SH3YL1: variants seen among roughly 807,000 people sequenced by gnomAD.
SH3YL1 encodes the protein SH3 domain-containing YSC84-like protein 1.
In SH3YL1, 41 loss-of-function variants were observed where a neutral mutation model predicts 45.8. The observed-to-expected ratio is 0.89, with a 90% CI of 0.70 to 1.16. The LOEUF (loss-of-function observed/expected upper bound fraction) is 1.16. SH3YL1 is among the 50% of genes most tolerant of loss of function. SH3YL1 has a pLI of 0.00. For synonymous variants in SH3YL1, 152 were observed against 151.4 expected, an observed-to-expected ratio of 1.00 and a Z score of -0.03; for missense variants, 389 against 409.6, an observed-to-expected ratio of 0.95 and a Z score of 0.43.
upstream of SH3YL1, chr2:264,802 A>G (rs1029234934): frequency 1.3e-5 from 10 of 748,842 alleles, no homozygotes; most frequent in African/African-American, 1.9e-4. Flanking sequence ...CCGCCTCCGC[A>G]GGCGCACTGG....
intron 2 of SH3YL1, among the ~76,000 whole-genome samples, chr2:250,935 G>T (rs1171999296): frequency 6.6e-6 from 1 of 152,168 alleles, no homozygotes; most frequent in Non-Finnish European, 1.5e-5. Flanking sequence ...TAATTATATT[G>T]TAACAAGATT....
At chr2:262,498 C>A in intron 1 of SH3YL1, 2 of 927,702 alleles carry the variant, frequency 2.2e-6, no homozygotes, top group Non-Finnish European at 3.0e-6. Context: ...TGGTACAGAG[C>A]AGTTCCACAC....
rs754153934 is a variant in SH3YL1, at chr2:234,157, C to T, written c.404+3G>A. The T allele has an allele frequency of 4.4e-6, 7 of 1,606,004 alleles. No individual in the cohort carries two copies. In the East Asian group the frequency reaches 6.7e-5, roughly 15 times the overall value. ...CTGTCTAACATCTATTTAAAGAACTCACCTTCCCAAGGGCCCAACCGCCAC... is the reference window on the plus strand; with the variant it reads ...CTGTCTAACATCTATTTAAAGAACTTACCTTCCCAAGGGCCCAACCGCCAC... On this transcript the variant is annotated splice_donor_region_variant and intron_variant, in intron 5 of 9. Coordinates refer to ENST00000356150, the MANE Select transcript of SH3YL1 (RefSeq NM_015677.4).
chr2:239,564 A>G (rs1668455406), intron 4 of SH3YL1: 1 of 152,230 alleles, frequency 6.6e-6, no homozygotes, highest in Non-Finnish European at 1.5e-5. Flanking sequence ...CATTTTATTC[A>G]ACTTAAAAAT....
chr2:242,804 A>C (rs1274328860), intron 4 of SH3YL1: 2 of 1,536,332 alleles, frequency 1.3e-6, no homozygotes, highest in Admixed American at 4.1e-5. Flanking sequence ...TTACCATTAG[A>C]TTGACAGTAA....
At chr2:242,997 C>A in intron 4 of SH3YL1, 1 of 581,124 alleles carries the variant, frequency 1.7e-6, no homozygotes, top group Non-Finnish European at 2.6e-6. Flanking sequence ...TTTATACAAG[C>A]ACATAATATC....
chr2:234,262 A>T lies in SH3YL1; in HGVS notation c.302T>A (p.Leu101Ter). The T allele has an allele frequency of 6.2e-7, 1 of 1,611,644 alleles. No homozygotes were observed. Among genetic ancestry groups the T allele is most frequent in the South Asian group, 1.1e-5 (1 of 90,546 alleles). Reference protein sequence around the residue: ...GFEIGIEVSDLVIILNYDRAV... With the variant: ...GFEIGIEVSD ...ACGGTCATAATTCAGAATTATCACC[A>T]AGTCTGATACCTAAAGTGTAGAAAC... Residue 101 changes from leucine (L) to a stop codon, truncating the protein, a stop_gained, in exon 5 of 10, where the codon TTG becomes TAG. Transcript: ENST00000356150. LOFTEE classifies it high-confidence loss of function.
chr2:238,259 TTGTGTGTGTGTGTGTGTGTGTGTG>T (rs3842546), intron 4 of SH3YL1, among the ~76,000 whole-genome samples: 1 of 141,860 alleles, frequency 7.0e-6, no homozygotes, highest in Non-Finnish European at 1.5e-5. Context: ...TCCTCCCTCC[TTGTGTGTGTGTGTGTGTGTGTGTG>T]TGTGTGTGTG....
At chr2:230,409 C>T (rs1358477616) in intron 7 of SH3YL1, 2 of 178,890 alleles carry the variant, frequency 1.1e-5, no homozygotes, top group Non-Finnish European at 2.4e-5. Flanking sequence ...ATGAAACAGG[C>T]ATCATACCAA....
At chr2:239,629 T>C (rs752588312) in intron 4 of SH3YL1, 1 of 152,166 alleles carries the variant, frequency 6.6e-6, no homozygotes, top group Non-Finnish European at 1.5e-5. Flanking sequence ...CACTGTTCTA[T>C]AACTAACAAA....
intron 4 of SH3YL1, among the ~76,000 whole-genome samples, chr2:234,687 C>T (rs569572923): frequency 6.6e-6 from 1 of 152,008 alleles, no homozygotes; most frequent in Non-Finnish European, 1.5e-5. Context: ...AAAGCCAAGC[C>T]CGAAGAGCAC....
At chr2:243,463 A>G (rs530485944) in intron 4 of SH3YL1, 1 of 1,484,222 alleles carries the variant, frequency 6.7e-7, no homozygotes, top group African/African-American at 1.4e-5. Context: ...GAGAAATTAG[A>G]TAATATTTTG....
intron 1 of SH3YL1, among the ~76,000 whole-genome samples, chr2:261,660 G>T (rs1369516292): frequency 1.3e-5 from 2 of 152,150 alleles, no homozygotes; most frequent in East Asian, 3.9e-4. Flanking sequence ...AGTCACTGGG[G>T]ACAAACAGGG....
At chr2:260,117 C>G (rs1456702619) in intron 1 of SH3YL1, 1 of 152,154 alleles carries the variant, frequency 6.6e-6, no homozygotes, top group East Asian at 1.9e-4. Flanking sequence ...ATGTATGCTT[C>G]AATTGATTCC....
chr2:221,642 C>T (rs1439505284), intron 9 of SH3YL1, among the ~76,000 whole-genome samples: 1 of 152,156 alleles, frequency 6.6e-6, no homozygotes, highest in African/African-American at 2.4e-5. Flanking sequence ...CGGGATCTCA[C>T]ATTTCTCCTT....
intron 4 of SH3YL1, among the ~76,000 whole-genome samples, chr2:234,982 A>G (rs1467845042): frequency 6.6e-6 from 1 of 152,070 alleles, no homozygotes; most frequent in African/African-American, 2.4e-5. Flanking sequence ...GGTTCAAGTG[A>G]TTCTCCTGTC....
chr2:253,132 G>T lies in SH3YL1; in HGVS notation c.2-17C>A. ...GGTTATTCACTGAAACATAACAAAAGATATTTTAATGAAAAATTCTGCTAA... is the reference window on the plus strand; with the variant it reads ...GGTTATTCACTGAAACATAACAAAATATATTTTAATGAAAAATTCTGCTAA... On this transcript the variant is annotated splice_polypyrimidine_tract_variant and intron_variant, in intron 1 of 9. Coordinates refer to ENST00000356150, the MANE Select transcript of SH3YL1 (RefSeq NM_015677.4). 2 of 1,351,884 alleles carry T rather than the reference G, an allele frequency of 1.5e-6. No individual in the cohort carries two copies. The highest frequency in any genetic ancestry group is 2.7e-5 in the South Asian group (2 of 74,284). 83.7% of individuals were successfully genotyped at this position (1,351,884 alleles called of 1,614,324 possible). A position where few individuals can be genotyped will look rare whatever the true frequency, so the allele number is the denominator to read the frequency against.
intron 4 of SH3YL1, chr2:242,125 T>C (rs1281916439): frequency 6.6e-6 from 1 of 151,566 alleles, no homozygotes. Flanking sequence ...TACAAAAGAG[T>C]CAGGTGGGAG....
chr2:255,902 A>G (rs1418866853), intron 1 of SH3YL1: 1 of 152,248 alleles, frequency 6.6e-6, no homozygotes, highest in East Asian at 1.9e-4. Flanking sequence ...GCATTTTTTA[A>G]TCAATGTTAT....
Sources: gnomAD v4.1 joint callset for allele counts (sites outside exome capture counted in the v4.1 genomes callset) on GRCh38, gnomAD v4.1.1 for gene constraint, MANE v1.5 for transcripts, NCBI Gene and HGNC (gene_info 2026-07-23, HGNC 2026-07-21) for gene names.